The following RIMS2 variants were observed in gnomAD, a reference collection of about 807,000 sequenced individuals.
RIMS2 encodes the protein regulating synaptic membrane exocytosis 2.
In RIMS2, 59 loss-of-function variants were observed where a neutral mutation model predicts 174.4. The ratio of observed to expected loss-of-function variants is 0.34; its 90% CI spans 0.27 to 0.42. The LOEUF is 0.42. RIMS2 is among the 10% of genes least tolerant of loss of function. RIMS2 has a pLI of 1.00. For synonymous variants in RIMS2, 606 were observed against 572.5 expected, an observed-to-expected ratio of 1.06 and a Z score of -0.84; for missense variants, 1,620 against 1,666.3, an observed-to-expected ratio of 0.97 and a Z score of 0.48.
intron 1 of RIMS2, among the ~76,000 whole-genome samples, chr8:103,689,204 G>T (rs2096980589): frequency 6.6e-6 from 1 of 151,690 alleles, no homozygotes; most frequent in African/African-American, 2.4e-5. Flanking sequence ...ATTTCATTGT[G>T]GTCAGAGAAG....
intron 1 of RIMS2, among the ~76,000 whole-genome samples, chr8:103,603,259 G>T (rs1257976657): frequency 6.6e-6 from 1 of 150,514 alleles, no homozygotes; most frequent in Non-Finnish European, 1.5e-5. Context: ...TTGGTTTTTT[G>T]TTCTTGCGAT....
intron 1 of RIMS2, among the ~76,000 whole-genome samples, chr8:103,682,286 T>C (rs2096889667): frequency 6.6e-6 from 1 of 151,966 alleles, no homozygotes; most frequent in African/African-American, 2.4e-5. Context: ...AAGAAGACTC[T>C]ACATAATAAA....
Position 103,953,044 on chromosome 8 carries a change from C to A in RIMS2, c.2702-8021C>A, listed in dbSNP as rs1198334282. ...TGAAGATCAACTCAATGAAATAAAA[C>A]AAGATTAAAGGAAAAAGAGTGAAAA... is the stretch of plus-strand genomic sequence containing the variant. On this transcript the variant is annotated intron_variant, in intron 14 of 23. Transcript: ENST00000504942. 2.0e-5 allele frequency among the ~76,000 whole-genome samples: 3 copies of A among 151,508 alleles called. No homozygotes were observed. The East Asian group carries it at 5.8e-4, about 29-fold the overall frequency.
intron 19 of RIMS2, among the ~76,000 whole-genome samples, chr8:104,131,423 G>A (rs2098472798): frequency 6.6e-6 from 1 of 152,116 alleles, no homozygotes; most frequent in South Asian, 2.1e-4. Context: ...CCCTCAGGTA[G>A]TCTGAGGAGA....
exon 4 of RIMS2, chr8:103,885,521 A>T: frequency 6.2e-7 from 1 of 1,612,206 alleles, no homozygotes; most frequent in East Asian, 2.2e-5. Context: ...CAAAGAATAT[A>T]TTGTAGATGA....
chr8:103,927,120 G>A (rs549523329), intron 10 of RIMS2, among the ~76,000 whole-genome samples: 2 of 151,378 alleles, frequency 1.3e-5, no homozygotes, highest in African/African-American at 2.4e-5. Flanking sequence ...AAAGTATAAC[G>A]AACTGTATAA....
chr8:103,629,261 G>T lies in RIMS2; in HGVS notation c.177-67825G>T, dbSNP rs145209924. Among the ~76,000 whole-genome samples the T allele has an allele frequency of 2.8e-3, 424 of 152,364 alleles. 4 individuals are homozygous for T. The highest frequency in any genetic ancestry group is 4.2e-3 in the Non-Finnish European group (289 of 68,038). On this transcript the variant is annotated intron_variant, in intron 1 of 23. Coordinates refer to ENST00000504942, the Ensembl canonical transcript of RIMS2. ...GAGAGCTGAAGGAGGATTACTGAGA[G>T]GGTTAGAGGGAAGAATTTTTATAAT...
intron 3 of RIMS2, among the ~76,000 whole-genome samples, chr8:103,783,182 A>G (rs946607187): frequency 7.2e-5 from 11 of 151,980 alleles, no homozygotes; most frequent in African/African-American, 2.7e-4. Context: ...TTGCACTTGT[A>G]TGACATGCCC....
At chr8:104,163,235 A>T (rs1343831019) in intron 19 of RIMS2, among the ~76,000 whole-genome samples, 1 of 152,140 alleles carries the variant, frequency 6.6e-6, no homozygotes, top group African/African-American at 2.4e-5. Context: ...TTCTAGGATG[A>T]AGTATTTTTT....
chr8:103,981,633 CT>C (rs1419470497), intron 16 of RIMS2, among the ~76,000 whole-genome samples: 1 of 151,994 alleles, frequency 6.6e-6, no homozygotes, highest in Non-Finnish European at 1.5e-5. Flanking sequence ...CAATGAAATT[CT>C]ATATAACACA....
intron 13 of RIMS2, among the ~76,000 whole-genome samples, chr8:103,938,659 C>G (rs1385978525): frequency 6.6e-6 from 1 of 152,124 alleles, no homozygotes; most frequent in Non-Finnish European, 1.5e-5. Context: ...ACTCAAAAGT[C>G]CAGAGTCCAG....
intron 1 of RIMS2, among the ~76,000 whole-genome samples, chr8:103,598,316 A>G (rs2094555359): frequency 6.6e-6 from 1 of 152,208 alleles, no homozygotes; most frequent in African/African-American, 2.4e-5. Flanking sequence ...GATCATACGG[A>G]CATTTGAAGC....
intron 19 of RIMS2, among the ~76,000 whole-genome samples, chr8:104,209,934 A>T (rs753299505): frequency 2.0e-5 from 3 of 152,208 alleles, no homozygotes; most frequent in African/African-American, 7.2e-5. Context: ...AAAGGGATAT[A>T]TAAGAAACCA....
chr8:104,249,188 C>T (rs2099350992), intron 21 of RIMS2, among the ~76,000 whole-genome samples: 1 of 151,968 alleles, frequency 6.6e-6, no homozygotes, highest in Admixed American at 6.5e-5. Flanking sequence ...CTGCCTCCAC[C>T]TCCCAAAGTG....
chr8:103,711,990 G>A (rs2097310165), intron 2 of RIMS2, among the ~76,000 whole-genome samples: 1 of 150,968 alleles, frequency 6.6e-6, no homozygotes, highest in Admixed American at 6.6e-5. Flanking sequence ...CTTTATTTTA[G>A]TTTTCAATTT....
At chr8:104,140,430 AC>A (rs1188545031) in intron 19 of RIMS2, among the ~76,000 whole-genome samples, 1 of 151,908 alleles carries the variant, frequency 6.6e-6, no homozygotes, top group African/African-American at 2.4e-5. Context: ...TCATATTTGT[AC>A]CCCTAAAGCA....
intron 3 of RIMS2, among the ~76,000 whole-genome samples, chr8:103,849,301 T>C (rs1413263453): frequency 1.3e-5 from 2 of 152,026 alleles, no homozygotes; most frequent in Admixed American, 6.6e-5. Context: ...CTGGCATTAA[T>C]TGTCTCAGGT....
At chr8:103,622,811 G>A (rs1198397580) in intron 1 of RIMS2, among the ~76,000 whole-genome samples, 2 of 152,090 alleles carry the variant, frequency 1.3e-5, no homozygotes, top group Non-Finnish European at 2.9e-5. Context: ...CTAGTCACTC[G>A]GGCATTTGCA....
At chr8:103,732,058 T>C (rs2097604095) in intron 2 of RIMS2, among the ~76,000 whole-genome samples, 1 of 152,186 alleles carries the variant, frequency 6.6e-6, no homozygotes, top group South Asian at 2.1e-4. Flanking sequence ...CTGGGGTTGT[T>C]TGTACTTGCA....
Sources: allele counts gnomAD v4.1 joint callset (sites outside exome capture counted in the v4.1 genomes callset), GRCh38; gene constraint gnomAD v4.1.1; transcripts MANE v1.5; gene names NCBI Gene and HGNC (gene_info 2026-07-23, HGNC 2026-07-21).